Variants in STAU2 observed in about 807,000 individuals in gnomAD.
STAU2 encodes the protein double-stranded RNA-binding protein Staufen homolog 2.
Under a neutral mutation model 65.9 loss-of-function variants are expected in STAU2, and 20 were observed. That is an observed-to-expected ratio of 0.30 (90% CI 0.21 to 0.44). The LOEUF is 0.44. STAU2 is among the 20% of genes least tolerant of loss of function. STAU2 has a pLI of 1.00. For synonymous variants in STAU2, 232 were observed against 233.9 expected (o/e 0.99, Z 0.07); for missense variants, 558 against 683.9 (o/e 0.82, Z 2.05).
intron 3 of STAU2, among the ~76,000 whole-genome samples, chr8:73,713,547 T>C (rs1821041126): frequency 6.6e-6 from 1 of 152,052 alleles, no homozygotes; most frequent in East Asian, 1.9e-4. Flanking sequence ...GGTGATTAGA[T>C]AAGGAAAGCA....
chr8:73,670,752 A>G (rs768648046), intron 6 of STAU2, among the ~76,000 whole-genome samples: 6 of 152,210 alleles, frequency 3.9e-5, no homozygotes, highest in Non-Finnish European at 5.9e-5. Flanking sequence ...TCTTCCCTAC[A>G]CATCTAAGTT....
At position 73,710,847 on chromosome 8, in the gene STAU2, T is replaced by C. The variant is rs886499240; in HGVS notation, c.-17-1685A>G. On this transcript the variant is annotated intron_variant, in intron 3 of 14. Coordinates refer to ENST00000524300, the MANE Select transcript of STAU2 (RefSeq NM_001164380.2). ...AGTTCAATTGTAGCCACAAGAATAC[T>C]TAAAATGAATGAAAATGGCTGGCTT... Among the ~76,000 whole-genome samples the C allele has an allele frequency of 7.2e-5, 11 of 152,044 alleles. No homozygotes were observed. The South Asian group carries it at 2.3e-3, about 32-fold the overall frequency.
intron 14 of STAU2, 54 bp downstream of exon 14, chr8:73,422,560 C>T: frequency 3.0e-6 from 4 of 1,344,386 alleles, no homozygotes; most frequent in Non-Finnish European, 4.0e-6. Flanking sequence ...TATGTCTTAT[C>T]TTTTGTACAG....
intron 12 of STAU2, among the ~76,000 whole-genome samples, chr8:73,575,142 A>C (rs1186028706): frequency 6.6e-6 from 1 of 151,030 alleles, no homozygotes; most frequent in South Asian, 2.1e-4. Flanking sequence ...AAAAAAAAAA[A>C]AGAGAGAAAA....
At chr8:73,464,375 C>T (rs1430169941) in intron 13 of STAU2, among the ~76,000 whole-genome samples, 1 of 152,196 alleles carries the variant, frequency 6.6e-6, no homozygotes, top group Non-Finnish European at 1.5e-5. Context: ...TATTCTCCTT[C>T]ACTTTGAATA....
intron 5 of STAU2, among the ~76,000 whole-genome samples, chr8:73,677,449 T>C (rs1025751221): frequency 6.6e-6 from 1 of 152,124 alleles, no homozygotes; most frequent in African/African-American, 2.4e-5. Flanking sequence ...ATACGTATAA[T>C]AGTACAATGA....
intron 6 of STAU2, among the ~76,000 whole-genome samples, chr8:73,643,860 A>G (rs1341918091): frequency 6.6e-6 from 1 of 152,258 alleles, no homozygotes; most frequent in Non-Finnish European, 1.5e-5. Context: ...ATGGAAACTC[A>G]TAACACATTC....
intron 2 of STAU2, 129 bp from the exon 3 acceptor site, chr8:73,738,478 T>C: frequency 1.5e-6 from 1 of 678,070 alleles, no homozygotes. Flanking sequence ...TAGAACTTTC[T>C]ATGATGATAA....
intron 11 of STAU2, among the ~76,000 whole-genome samples, chr8:73,593,880 TACACACACACACACACAC>T (rs3032945): frequency 6.6e-6 from 1 of 150,418 alleles, no homozygotes; most frequent in Non-Finnish European, 1.5e-5. Context: ...GACACACACA[TACACACACACACACACAC>T]ACACACACGT....
intron 13 of STAU2, among the ~76,000 whole-genome samples, chr8:73,532,455 A>G (rs940495253): frequency 1.3e-5 from 2 of 152,040 alleles, no homozygotes; most frequent in Non-Finnish European, 2.9e-5. Context: ...TCGGAGGCCA[A>G]CAGGGGAGGA....
intron 6 of STAU2, among the ~76,000 whole-genome samples, chr8:73,645,761 G>A (rs1815324202): frequency 6.6e-6 from 1 of 152,180 alleles, no homozygotes. Context: ...AATCATGGTG[G>A]AAGGCAAAGG....
intron 6 of STAU2, among the ~76,000 whole-genome samples, chr8:73,658,700 G>A (rs1468784277): frequency 1.3e-5 from 2 of 151,790 alleles, no homozygotes; most frequent in East Asian, 1.9e-4. Context: ...GAATCACGAG[G>A]TCAGGAGTTC....
At chr8:73,668,155 T>C (rs924789894) in intron 6 of STAU2, among the ~76,000 whole-genome samples, 12 of 152,190 alleles carry the variant, frequency 7.9e-5, no homozygotes, top group African/African-American at 2.9e-4. Context: ...AAAAAAAAAC[T>C]TCACCTTCTT....
At chr8:73,497,091 AT>A (rs1442747789) in intron 13 of STAU2, among the ~76,000 whole-genome samples, 1 of 151,734 alleles carries the variant, frequency 6.6e-6, no homozygotes, top group Non-Finnish European at 1.5e-5. Context: ...ATTCTGGATG[AT>A]TTTTTTCTAA....
At chr8:73,693,298 C>G (rs1819480184) in intron 4 of STAU2, among the ~76,000 whole-genome samples, 1 of 151,914 alleles carries the variant, frequency 6.6e-6, no homozygotes, top group Non-Finnish European at 1.5e-5. Context: ...ACGGTGAAAC[C>G]CCATCTCTAC....
At chr8:73,733,973 C>T (rs1374446050) in intron 3 of STAU2, among the ~76,000 whole-genome samples, 2 of 152,002 alleles carry the variant, frequency 1.3e-5, no homozygotes, top group African/African-American at 4.8e-5. Flanking sequence ...TACTATGGCA[C>T]TAACTACAAT....
At chr8:73,555,030 C>T (rs900244573) in intron 12 of STAU2, among the ~76,000 whole-genome samples, 1 of 152,156 alleles carries the variant, frequency 6.6e-6, no homozygotes, top group East Asian at 1.9e-4. Context: ...GGCATCGCAC[C>T]AACCAATACT....
chr8:73,658,931 CAACA>C (rs1400850151), intron 6 of STAU2, among the ~76,000 whole-genome samples: 20 of 52,382 alleles, frequency 3.8e-4, no homozygotes, highest in African/African-American at 8.4e-4. Context: ...ACAACAACAA[CAACA>C]AAAACAACAA....
rs547876190 is a variant in STAU2, at chr8:73,628,516, A to C, written c.411-11065T>G. Among the ~76,000 whole-genome samples, 10 of 152,326 alleles carry C rather than the reference A, an allele frequency of 6.6e-5. No individual in the cohort carries two copies. In the East Asian group the frequency reaches 1.7e-3, roughly 26 times the overall value. ...ATTCCTATTATTTAATTCCAGCAGC[A>C]GATATCATCTTTGGTTAAGGGTTCT... On this transcript the variant is annotated intron_variant, in intron 6 of 14. Coordinates refer to ENST00000524300, the MANE Select transcript of STAU2 (RefSeq NM_001164380.2).
Sources: allele counts gnomAD v4.1 joint callset (sites outside exome capture counted in the v4.1 genomes callset), GRCh38; gene constraint gnomAD v4.1.1; transcripts MANE v1.5; gene names NCBI Gene and HGNC (gene_info 2026-07-23, HGNC 2026-07-21).